Variants in LIPI observed in about 807,000 individuals in gnomAD.
LIPI encodes the protein lipase I.
Under a neutral mutation model 50.6 loss-of-function variants are expected in LIPI, and 59 were observed. The observed-to-expected ratio is 1.16, with a 90% CI of 0.94 to 1.45. The LOEUF (loss-of-function observed/expected upper bound fraction) is 1.45, where lower values mean the gene tolerates loss of function less well. LIPI is among the 40% of genes most tolerant of loss of function. LIPI has a pLI of 0.00. For synonymous variants in LIPI, 203 were observed against 178.2 expected (o/e 1.14, Z -1.11); for missense variants, 586 against 536.3 (o/e 1.09, Z -0.92).
At chr21:14,168,891 T>G (rs972266999) in intron 4 of LIPI, among the ~76,000 whole-genome samples, 1 of 151,910 alleles carries the variant, frequency 6.6e-6, no homozygotes, top group Non-Finnish European at 1.5e-5. Context: ...ATGGACTAAA[T>G]GCTCCAATTA....
At chr21:14,155,593 C>T (rs2018245399) in intron 7 of LIPI, among the ~76,000 whole-genome samples, 1 of 151,936 alleles carries the variant, frequency 6.6e-6, no homozygotes, top group Non-Finnish European at 1.5e-5. Flanking sequence ...TGATGCATTA[C>T]CTACAGGAGA....
chr21:14,189,057 T>C lies in LIPI; in HGVS notation c.409A>G (p.Ser137Gly). Residue 137 changes from serine to glycine, a missense_variant, in exon 2 of 10, where the codon AGT becomes GGT. Ser to Gly is a moderately conservative substitution (Grantham distance 56). Coordinates refer to ENST00000681601, the MANE Select transcript of LIPI (RefSeq NM_001302998.2). The stretch of plus-strand genomic sequence containing the variant: ...ACCAAAAGATTTTTAATGTGCACAC[T>C]CAAACTCACAGCAACTTTTCTGGTG... ...KNTRKVAVSLSVHIKNLLKHG... is the reference protein window; with the variant it reads ...KNTRKVAVSLGVHIKNLLKHG... 1.2e-6 allele frequency: 2 copies of C among 1,607,166 alleles called. No individual in the cohort carries two copies. The highest frequency in any genetic ancestry group is 1.3e-5 in the African/African-American group (1 of 75,056).
At chr21:14,124,994 G>GAA (rs35608622) in intron 9 of LIPI, among the ~76,000 whole-genome samples, 12 of 146,534 alleles carry the variant, frequency 8.2e-5, no homozygotes, top group African/African-American at 3.0e-4. Context: ...ACTCCACCTC[G>GAA]AAAAAAAAAA....
chr21:14,210,007 T>C (rs112404281), intron 1 of LIPI, among the ~76,000 whole-genome samples: 2,681 of 152,054 alleles, frequency 0.018, 78 homozygotes, highest in African/African-American at 0.055. Context: ...ATTGAAAACA[T>C]AAGAAATAAT....
chr21:14,151,663 G>A (rs143791041), intron 8 of LIPI, among the ~76,000 whole-genome samples: 82 of 152,104 alleles, frequency 5.4e-4, no homozygotes, highest in Admixed American at 7.9e-4. Context: ...TAGTGTGCCC[G>A]TTTATATCAT....
At chr21:14,206,019 T>C (rs1480507295) in intron 1 of LIPI, among the ~76,000 whole-genome samples, 1 of 152,112 alleles carries the variant, frequency 6.6e-6, no homozygotes, top group Non-Finnish European at 1.5e-5. Context: ...AAAATCTTAT[T>C]AGGTTTCAAA....
intron 6 of LIPI, 42 bp from the exon 7 acceptor site, chr21:14,163,565 C>A: frequency 1.1e-6 from 1 of 944,028 alleles, no homozygotes; most frequent in South Asian, 1.3e-5. Flanking sequence ...GGATTTCCAT[C>A]AAATAACAAA....
rs575373933 is a variant in LIPI, at chr21:14,134,663, C to T, written c.1295+9960G>A. ...TACCCTACAACCAACTGATCTCCAA[C>T]AAAGTCAACAAAATAACACACTGAT... On this transcript the variant is annotated intron_variant, in intron 9 of 9. Transcript: ENST00000681601. 3.2e-4 allele frequency among the ~76,000 whole-genome samples: 48 copies of T among 152,148 alleles called. 1 individual carries two copies. In the South Asian group the frequency reaches 1.0e-2, roughly 32 times the overall value.
At chr21:14,196,260 C>A (rs1360986360) in intron 1 of LIPI, among the ~76,000 whole-genome samples, 1 of 151,178 alleles carries the variant, frequency 6.6e-6, no homozygotes, top group Non-Finnish European at 1.5e-5. Context: ...TTTATGCATG[C>A]AAAAACTTTG....
intron 1 of LIPI, among the ~76,000 whole-genome samples, chr21:14,190,051 CTT>C (rs1447564472): frequency 6.6e-6 from 1 of 152,034 alleles, no homozygotes; most frequent in Non-Finnish European, 1.5e-5. Context: ...AGTGTAAAGA[CTT>C]TAACCGCTGG....
At chr21:14,178,464 C>T (rs2019165236) in intron 4 of LIPI, among the ~76,000 whole-genome samples, 1 of 152,066 alleles carries the variant, frequency 6.6e-6, no homozygotes, top group African/African-American at 2.4e-5. Flanking sequence ...TCTCTCTTTA[C>T]CTATTTCTAA....
At chr21:14,176,046 T>C (rs192652238) in intron 4 of LIPI, among the ~76,000 whole-genome samples, 24 of 151,692 alleles carry the variant, frequency 1.6e-4, no homozygotes, top group East Asian at 1.4e-3. Flanking sequence ...GGCCTGGTGG[T>C]GGGCGCCTGT....
intron 9 of LIPI, among the ~76,000 whole-genome samples, chr21:14,122,606 A>T (rs2016906149): frequency 6.6e-6 from 1 of 152,204 alleles, no homozygotes; most frequent in African/African-American, 2.4e-5. Flanking sequence ...AAGAACCAGA[A>T]GAAGAATGTC....
chr21:14,168,427 T>G (rs1214414739), intron 4 of LIPI, among the ~76,000 whole-genome samples: 3 of 151,916 alleles, frequency 2.0e-5, no homozygotes, highest in Non-Finnish European at 4.4e-5. Context: ...TTCACCAAAG[T>G]TGAAATGAAG....
At chr21:14,201,258 A>G (rs2123332992) in intron 1 of LIPI, among the ~76,000 whole-genome samples, 1 of 152,268 alleles carries the variant, frequency 6.6e-6, no homozygotes, top group South Asian at 2.1e-4. Context: ...AAAATTAACA[A>G]GTGGGATCTA....
intron 9 of LIPI, among the ~76,000 whole-genome samples, chr21:14,132,493 G>A (rs1285797313): frequency 6.6e-6 from 1 of 152,096 alleles, no homozygotes; most frequent in Non-Finnish European, 1.5e-5. Flanking sequence ...AAATGAAGGA[G>A]AAATAAAGTA....
chr21:14,148,781 G>C (rs2017991395), intron 8 of LIPI, among the ~76,000 whole-genome samples: 1 of 152,136 alleles, frequency 6.6e-6, no homozygotes, highest in African/African-American at 2.4e-5. Context: ...GACTGTATTA[G>C]CAAATAATTA....
chr21:14,174,684 G>C (rs529771841), intron 4 of LIPI, among the ~76,000 whole-genome samples: 3 of 152,260 alleles, frequency 2.0e-5, no homozygotes, highest in African/African-American at 4.8e-5. Flanking sequence ...CTCCCAAGTA[G>C]CTGGGACTAA....
intron 4 of LIPI, among the ~76,000 whole-genome samples, chr21:14,174,344 GAC>G (rs1445286129): frequency 1.3e-5 from 2 of 151,928 alleles, no homozygotes; most frequent in Non-Finnish European, 2.9e-5. Context: ...TAAAATATAA[GAC>G]ACATGCAGAA....
Sources: allele counts gnomAD v4.1 joint callset (sites outside exome capture counted in the v4.1 genomes callset), GRCh38; gene constraint gnomAD v4.1.1; transcripts MANE v1.5; gene names NCBI Gene and HGNC (gene_info 2026-07-23, HGNC 2026-07-21).